Variants in GPM6A observed in about 807,000 individuals in gnomAD.
The protein encoded by GPM6A is glycoprotein M6A.
Under a neutral mutation model 32.1 loss-of-function variants are expected in GPM6A, and 7 were observed. The observed-to-expected ratio is 0.22, with a 90% CI of 0.12 to 0.41. The LOEUF is 0.41. Among genes scored for constraint, GPM6A ranks in the 10% least tolerant of loss-of-function variants. GPM6A has a pLI of 1.00. For missense variants in GPM6A, 235 were observed against 347.2 expected (o/e 0.68, Z 2.57); for synonymous variants, 130 against 123.4 (o/e 1.05, Z -0.35).
intron 1 of GPM6A, among the ~76,000 whole-genome samples, chr4:175,748,345 G>A (rs1387661107): frequency 2.6e-5 from 4 of 152,170 alleles, no homozygotes; most frequent in Non-Finnish European, 4.4e-5. Flanking sequence ...CTTACAAAAT[G>A]TATTTCTTAA....
At chr4:175,765,532 C>T (rs1222050061) in intron 1 of GPM6A, among the ~76,000 whole-genome samples, 1 of 152,152 alleles carries the variant, frequency 6.6e-6, no homozygotes, top group African/African-American at 2.4e-5. Flanking sequence ...GTTTTGACAA[C>T]ATTACAAGTC....
intron 1 of GPM6A, among the ~76,000 whole-genome samples, chr4:175,771,244 G>A (rs78385561): frequency 1.3e-3 from 195 of 152,184 alleles, no homozygotes; most frequent in African/African-American, 4.5e-3. Flanking sequence ...TGCTTCAGCT[G>A]TTTTAGTGCG....
intron 1 of GPM6A, among the ~76,000 whole-genome samples, chr4:175,935,167 G>A (rs1739178349): frequency 6.6e-6 from 1 of 152,090 alleles, no homozygotes; most frequent in Admixed American, 6.6e-5. Context: ...AGTTCCAATA[G>A]CAAAACCTGA....
intron 1 of GPM6A, among the ~76,000 whole-genome samples, chr4:175,881,437 A>G (rs1414978179): frequency 2.0e-5 from 3 of 152,200 alleles, no homozygotes; most frequent in East Asian, 3.9e-4. Flanking sequence ...ACAGTGTAGC[A>G]ATTCCTCAGG....
chr4:175,636,700 G>A lies in GPM6A; in HGVS notation c.685-1643C>T, dbSNP rs553371971. Reference sequence around the variant, plus strand: ...AATCCCAGCTACTCGGGAGGATGAGGCAGGAGAATGGATTGAACCTGGGAG... The same window carrying A: ...AATCCCAGCTACTCGGGAGGATGAGACAGGAGAATGGATTGAACCTGGGAG... On this transcript the variant is annotated intron_variant, in intron 6 of 6. Transcript: ENST00000393658. Among the ~76,000 whole-genome samples, 49 of 150,930 alleles carry A rather than the reference G, an allele frequency of 3.2e-4. No homozygotes were observed. In the Middle Eastern group the frequency reaches 0.01, roughly 32 times the overall value.
upstream of GPM6A, among the ~76,000 whole-genome samples, chr4:175,813,912 T>C (rs898979606): frequency 6.6e-6 from 1 of 152,178 alleles, no homozygotes. Context: ...TCAAAACCTA[T>C]CTCTTTGGAA....
At chr4:175,637,622 ATATT>A (rs1740813641) in intron 6 of GPM6A, among the ~76,000 whole-genome samples, 1 of 23,714 alleles carries the variant, frequency 4.2e-5, no homozygotes, top group African/African-American at 8.5e-5. Flanking sequence ...TATATAATAT[ATATT>A]ATATATATAT....
intron 2 of GPM6A, among the ~76,000 whole-genome samples, chr4:175,679,854 A>G (rs1382568772): frequency 2.0e-5 from 3 of 152,048 alleles, no homozygotes. Context: ...ACATGTGCCT[A>G]GCAATTTGTA....
At position 175,892,244 on chromosome 4, in the gene GPM6A, T is replaced by C. The variant is rs557020438; in HGVS notation, c.-22-79995A>G. 5.1e-4 allele frequency among the ~76,000 whole-genome samples: 78 copies of C among 152,336 alleles called. 1 individual carries two copies. The highest frequency in any genetic ancestry group is 6.9e-4 in the Non-Finnish European group (47 of 68,028). ...ATAATTAAAATCCTTAAATAGGGAC[T>C]CAAGATACCCTCTTATTTCATTCGA... On this transcript the variant is annotated intron_variant, in intron 1 of 7. Transcript: ENST00000280187.
At chr4:175,872,516 A>G (rs1392752693) in intron 1 of GPM6A, 1 of 152,228 alleles carries the variant, frequency 6.6e-6, no homozygotes, top group African/African-American at 2.4e-5. Flanking sequence ...AGAAATTAAG[A>G]TATTTCAAAA....
chr4:175,847,778 T>A (rs943077083), intron 1 of GPM6A, among the ~76,000 whole-genome samples: 2 of 152,062 alleles, frequency 1.3e-5, no homozygotes, highest in East Asian at 1.9e-4. Context: ...AGGAAAAAAA[T>A]TTATGCTAGT....
At chr4:175,993,245 C>G (rs180751907) in intron 1 of GPM6A, among the ~76,000 whole-genome samples, 3 of 151,636 alleles carry the variant, frequency 2.0e-5, no homozygotes, top group African/African-American at 7.3e-5. Context: ...TATCTTCACT[C>G]CTTTATTAAA....
At chr4:175,642,971 A>G (rs1741236020) in intron 4 of GPM6A, among the ~76,000 whole-genome samples, 1 of 152,176 alleles carries the variant, frequency 6.6e-6, no homozygotes, top group African/African-American at 2.4e-5. Context: ...CTTTCTTGAT[A>G]GCAAATCTTA....
At chr4:175,950,778 CATG>C (rs1451873751) in intron 1 of GPM6A, among the ~76,000 whole-genome samples, 1 of 152,106 alleles carries the variant, frequency 6.6e-6, no homozygotes, top group Non-Finnish European at 1.5e-5. Flanking sequence ...TTCTAAATGT[CATG>C]ATATTTCTTG....
chr4:176,002,179 G>T (rs1361677796), intron 1 of GPM6A: 2 of 1,019,238 alleles, frequency 2.0e-6, no homozygotes, highest in African/African-American at 1.6e-5. Flanking sequence ...GGCGGGGGAC[G>T]CCAGGCGCGG....
chr4:175,637,908 T>C (rs1304385749), intron 6 of GPM6A, among the ~76,000 whole-genome samples: 1 of 132,318 alleles, frequency 7.6e-6, no homozygotes, highest in Non-Finnish European at 1.5e-5. Context: ...TATACATATA[T>C]GCATGAATGA....
At chr4:175,914,443 C>A (rs1202034022) in intron 1 of GPM6A, among the ~76,000 whole-genome samples, 1 of 152,098 alleles carries the variant, frequency 6.6e-6, no homozygotes, top group African/African-American at 2.4e-5. Context: ...CTGCTTCTGC[C>A]TCCTGAGTAG....
chr4:175,890,478 G>T (rs1265252311), intron 1 of GPM6A, among the ~76,000 whole-genome samples: 2 of 148,428 alleles, frequency 1.3e-5, no homozygotes, highest in Admixed American at 6.7e-5. Flanking sequence ...AACTGAATAT[G>T]TTTAGAGCAA....
chr4:175,880,522 T>C (rs1308139285), intron 1 of GPM6A, among the ~76,000 whole-genome samples: 1 of 152,230 alleles, frequency 6.6e-6, no homozygotes, highest in Non-Finnish European at 1.5e-5. Context: ...TCCATGAGCA[T>C]AGAATGTTCT....
Sources: gnomAD v4.1 joint callset for allele counts (sites outside exome capture counted in the v4.1 genomes callset) on GRCh38, gnomAD v4.1.1 for gene constraint, MANE v1.5 for transcripts, NCBI Gene and HGNC (gene_info 2026-07-23, HGNC 2026-07-21) for gene names.